MYO15A: variants seen among roughly 807,000 people sequenced by gnomAD.
The protein encoded by MYO15A is myosin XVA.
MYO15A carries 308 observed loss-of-function variants against 394.6 expected under a neutral mutation model. That is an observed-to-expected ratio of 0.78 (90% CI 0.71 to 0.86). MYO15A has a LOEUF of 0.86. MYO15A is among the 40% of genes least tolerant of loss of function. The pLI is 0.00. For missense variants in MYO15A, 4,606 were observed against 4,799.1 expected (o/e 0.96, Z 1.19); for synonymous variants, 1,957 against 2,003.8 (o/e 0.98, Z 0.62).
chr17:18,150,254 C>T lies in MYO15A; in HGVS notation c.7213-175C>T, dbSNP rs1325703506. Among the ~76,000 whole-genome samples the T allele has an allele frequency of 2.6e-5, 4 of 152,080 alleles. No individual in the cohort carries two copies. Among genetic ancestry groups the T allele is most frequent in the Admixed American group, 1.3e-4 (2 of 15,272 alleles). ...TTGGGAGCTCATATGGTTATGGATA[C>T]GACTGATTGGGATGCCATAGGGGTA... is the stretch of plus-strand genomic sequence containing the variant. On this transcript the variant is annotated intron_variant, in intron 35 of 65. Coordinates refer to ENST00000647165, the MANE Select transcript of MYO15A (RefSeq NM_016239.4). This position sits in a 1 kb window ranked among gnomAD's most constrained non-coding sequence, Gnocchi z 4.4.
chr17:18,148,312 G>A lies in MYO15A; in HGVS notation c.6691+102G>A. 1 of 1,532,536 alleles carries A rather than the reference G, an allele frequency of 6.5e-7. No individual in the cohort carries two copies. Among genetic ancestry groups the A allele is most frequent in the South Asian group, 1.2e-5 (1 of 85,334 alleles). 94.9% of individuals were successfully genotyped at this position (1,532,536 alleles called of 1,614,324 possible). ...CACTGGATGTTCTGGAGCTGGGGAG[G>A]GGCCTTCTCAGATGTGGCTCTGCGT... On this transcript the variant is annotated intron_variant, in intron 31 of 65. Transcript: ENST00000647165. This position sits in a 1 kb window ranked among gnomAD's most constrained non-coding sequence, Gnocchi z 4.8.
In MYO15A at chr17:18,162,806, C is replaced by G. The variant is rs185056265; in HGVS notation, c.9612+127C>G. The stretch of plus-strand genomic sequence containing the variant: ...CCTGAGGTCAGGAGTTCGAGACCAG[C>G]CTGGCCAACATGGTGAAACCCCGTC... On this transcript the variant is annotated intron_variant, in intron 58 of 65. Coordinates refer to ENST00000647165, the MANE Select transcript of MYO15A (RefSeq NM_016239.4). 7.6e-3 allele frequency: 7,240 copies of G among 952,350 alleles called. 42 individuals are homozygous for G. Among genetic ancestry groups the G allele is most frequent in the Middle Eastern group, 9.1e-3 (39 of 4,306 alleles). The allele number at this position is 952,350 out of a possible 1,614,324, so 59.0% of individuals were successfully genotyped here. A position where few individuals can be genotyped will look rare whatever the true frequency, so the allele number is the denominator to read the frequency against.
In MYO15A at chr17:18,166,365, G is replaced by A. The variant is rs149189607; in HGVS notation, c.9792G>A (p.Gln3264=). 2.4e-4 allele frequency: 383 copies of A among 1,612,884 alleles called. 4 individuals carry two copies. In the East Asian group the frequency reaches 7.5e-3, roughly 31 times the overall value. The change falls in exon 61 of 66, where the codon CAG becomes CAA. Residue 3264 remains glutamine, a synonymous_variant. Coordinates refer to ENST00000647165, the MANE Select transcript of MYO15A (RefSeq NM_016239.4). ...YVIFVVTNRG[Q]HVCPLSRRAY... ...CTGCCTCCCTGCTCTCTGCAGGCCAGCATGTGTGCCCACTCAGTCGCCGTG... is the reference window on the plus strand; with the variant it reads ...CTGCCTCCCTGCTCTCTGCAGGCCAACATGTGTGCCCACTCAGTCGCCGTG...
In MYO15A at chr17:18,142,735, CT is replaced by C; in HGVS notation, c.5826-20del. 1 of 1,610,204 alleles carries C rather than the reference CT, an allele frequency of 6.2e-7. No individual in the cohort carries two copies. Among genetic ancestry groups the C allele is most frequent in the East Asian group, 2.2e-5 (1 of 44,850 alleles). On this transcript the variant is annotated intron_variant, in intron 24 of 65. Coordinates refer to ENST00000647165, the MANE Select transcript of MYO15A (RefSeq NM_016239.4). ...TCACCCTGTGGCCCCAATCCCTGACCTCCCCACTACCCCAACCCAGGCAACG... is the reference window on the plus strand; with the variant it reads ...TCACCCTGTGGCCCCAATCCCTGACCCCCCACTACCCCAACCCAGGCAACG...
At position 18,141,647 on chromosome 17, in the gene MYO15A, T is replaced by C; in HGVS notation, c.5532-6T>C. The C allele has an allele frequency of 6.2e-7, 1 of 1,613,558 alleles. No individual in the cohort carries two copies. The highest frequency in any genetic ancestry group is 8.5e-7 in the Non-Finnish European group (1 of 1,179,632). ...AGCCCCAGACTAACTTTGGGCCCCC[T>C]ACCAGGTACTGCTGTCTAGTGGCCC... On this transcript the variant is annotated splice_region_variant and splice_polypyrimidine_tract_variant and intron_variant, in intron 22 of 65. Transcript: ENST00000647165.
intron 65 of MYO15A, among the ~76,000 whole-genome samples, chr17:18,175,133 A>G (rs1295801085): frequency 2.9e-5 from 4 of 138,190 alleles, no homozygotes; most frequent in Admixed American, 1.5e-4. Flanking sequence ...TGCCCAGACT[A>G]GTCTTAAACT....
At position 18,150,557 on chromosome 17, in the gene MYO15A, C is replaced by G; in HGVS notation, c.7327+14C>G. On this transcript the variant is annotated intron_variant, in intron 36 of 65. Transcript: ENST00000647165. The surrounding 1 kb of genome is among the most constrained non-coding windows in gnomAD (Gnocchi z 4.4). ...AGCCAAAGCCAAGTCAGTGCCTCCC[C>G]AGGGTGGTTCCAGGGTTGGGCAGGG... 1 of 1,613,946 alleles carries G rather than the reference C, an allele frequency of 6.2e-7. No individual in the cohort carries two copies. The highest frequency in any genetic ancestry group is 8.5e-7 in the Non-Finnish European group (1 of 1,179,832).
Position 18,120,537 on chromosome 17 carries a change from G to A in MYO15A, c.1737G>A (p.Thr579=), listed in dbSNP as rs1009942246. Residue 579 remains threonine (T), a synonymous_variant, in exon 2 of 66, where the codon ACG becomes ACA. Coordinates refer to ENST00000647165, the MANE Select transcript of MYO15A (RefSeq NM_016239.4). ...CGCTTGCGCGGTTCCTCAAGAAGAC[G>A]CTGTCGGAGAAGAAGCCCATCGCGC... ...ATSLARFLKK[T]LSEKKPIARL... 1.9e-6 allele frequency: 3 copies of A among 1,594,602 alleles called. No homozygotes were observed. The highest frequency in any genetic ancestry group is 2.6e-6 in the Non-Finnish European group (3 of 1,173,252).
In MYO15A at chr17:18,161,822, A is replaced by G. The variant is rs150381835; in HGVS notation, c.9517+375A>G. On this transcript the variant is annotated intron_variant, in intron 57 of 65. Transcript: ENST00000647165. ...CGGCCCTGCCTCTCTGACTGTTGGG[A>G]CTCAGCAAGGGTCTTGAGGGATCTG... Among the ~76,000 whole-genome samples the G allele has an allele frequency of 6.8e-3, 1,033 of 152,038 alleles. 10 individuals are homozygous for G. The highest frequency in any genetic ancestry group is 0.024 in the African/African-American group (990 of 41,448).
At chr17:18,113,663 G>T (rs1313028319) in intron 1 of MYO15A, among the ~76,000 whole-genome samples, 2 of 151,810 alleles carry the variant, frequency 1.3e-5, no homozygotes, top group African/African-American at 4.8e-5. Context: ...GGAAGCTGAG[G>T]CCTAGGAGGT....
rs762721401 is a variant in MYO15A at position 18,119,247 on chromosome 17, G to C, written c.447G>C (p.Ser149=). 2.1e-4 allele frequency: 332 copies of C among 1,612,212 alleles called. 1 individual carries two copies. Among genetic ancestry groups the C allele is most frequent in the Non-Finnish European group, 2.7e-4 (317 of 1,179,876 alleles). ...TCCTCCTCAAGAAGGCCGAGGAGTC[G>C]GGCAGCGAACAGGCCACAGTGGACG... is the stretch of plus-strand genomic sequence containing the variant. The part of the protein sequence containing the change: ...KKFLLKKAEE[S]GSEQATVDAW... Residue 149 remains serine, a synonymous_variant, in exon 2 of 66, where the codon TCG becomes TCC. Coordinates refer to ENST00000647165, the MANE Select transcript of MYO15A (RefSeq NM_016239.4).
chr17:18,173,208 T>C (rs2046967094), intron 64 of MYO15A, among the ~76,000 whole-genome samples: 1 of 152,210 alleles, frequency 6.6e-6, no homozygotes, highest in Non-Finnish European at 1.5e-5. Context: ...CCATCTGTCA[T>C]TAGCAAGAGC....
At chr17:18,170,427 CGGCTCACTGCAGCCTT>C (rs1262195598) in intron 62 of MYO15A, among the ~76,000 whole-genome samples, 1 of 151,826 alleles carries the variant, frequency 6.6e-6, no homozygotes, top group African/African-American at 2.4e-5. Flanking sequence ...GACCCCATCA[CGGCTCACTGCAGCCTT>C]GACCTCTTGG....
At chr17:18,173,146 G>C (rs1414092823) in intron 64 of MYO15A, among the ~76,000 whole-genome samples, 1 of 152,138 alleles carries the variant, frequency 6.6e-6, no homozygotes, top group Non-Finnish European at 1.5e-5. Flanking sequence ...ACAGACTAGA[G>C]CTTTCCTTCT....
At position 18,127,093 on chromosome 17, in the gene MYO15A, C is replaced by A. The variant is rs1293112707; in HGVS notation, c.3960C>A (p.Gly1320=). 4 of 1,614,002 alleles carry A rather than the reference C, an allele frequency of 2.5e-6. No homozygotes were observed. The highest frequency in any genetic ancestry group is 3.4e-6 in the Non-Finnish European group (4 of 1,180,016). Residue 1320 remains glycine (G), a synonymous_variant, in exon 7 of 66, where the codon GGC becomes GGA. Transcript: ENST00000647165. ...CIIISGESGS[G]KTEATKLILR... is the part of the protein sequence containing the mutation. ...CGGTCAGTGGAGAGAGCGGCTCTGGCAAAACTGAGGCCACCAAGCTGATTC... is the reference window on the plus strand; with the variant it reads ...CGGTCAGTGGAGAGAGCGGCTCTGGAAAAACTGAGGCCACCAAGCTGATTC...
In MYO15A at chr17:18,125,243, G is replaced by T. The variant is rs1399716943; in HGVS notation, c.3756+12G>T. On this transcript the variant is annotated intron_variant, in intron 4 of 65. Coordinates refer to ENST00000647165, the MANE Select transcript of MYO15A (RefSeq NM_016239.4). ...GGAACCTCATCTACGTAAGGCCTGG[G>T]GCTGGCCCTGCCCTGGGCCTAGGTC... 1 of 1,613,910 alleles carries T rather than the reference G, an allele frequency of 6.2e-7. No individual in the cohort carries two copies.
rs1040300549 is a variant in MYO15A at position 18,146,173 on chromosome 17, G to T, written c.6509+66G>T. ...GGCACCAGCAGTGGAGCCCAAGGCA[G>T]GGTCTTAAAGGTCAGGCCAGGAGTC... On this transcript the variant is annotated intron_variant, in intron 30 of 65. Transcript: ENST00000647165. The T allele has an allele frequency of 3.5e-5, 52 of 1,506,362 alleles. No homozygotes were observed. In the Admixed American group the frequency reaches 9.5e-4, roughly 28 times the overall value. The allele number at this position is 1,506,362 out of a possible 1,614,324, so 93.3% of individuals were successfully genotyped here. A position where few individuals can be genotyped will look rare whatever the true frequency, so the allele number is the denominator to read the frequency against.
intron 1 of MYO15A, among the ~76,000 whole-genome samples, chr17:18,116,254 C>T (rs566318971): frequency 5.9e-5 from 9 of 152,322 alleles, no homozygotes; most frequent in African/African-American, 1.9e-4. Context: ...TTGGTCAGGG[C>T]CCTCCCCCTC....
intron 28 of MYO15A, 146 bp from the exon 29 acceptor site, chr17:18,144,351 T>C: frequency 1.5e-6 from 1 of 660,912 alleles, no homozygotes. Flanking sequence ...TGGTGGCCCC[T>C]CACCAGCCTC....
Sources: gnomAD v4.1 joint callset for allele counts (sites outside exome capture counted in the v4.1 genomes callset) on GRCh38, gnomAD v4.1.1 for gene constraint, Gnocchi (gnomAD v3.1) non-coding constraint, MANE v1.5 for transcripts, NCBI Gene and HGNC (gene_info 2026-07-23, HGNC 2026-07-21) for gene names.